Variants in FHIP2A observed in about 807,000 individuals in gnomAD.
The protein encoded by FHIP2A is FHF complex subunit HOOK interacting protein 2A, also known as family with sequence similarity 160 member B1.
FHIP2A carries 46 observed loss-of-function variants against 93.5 expected under a neutral mutation model. That is an observed-to-expected ratio of 0.49 (90% CI 0.39 to 0.63). The LOEUF is 0.63. Among genes scored for constraint, FHIP2A ranks in the 20% least tolerant of loss-of-function variants. FHIP2A has a pLI of 0.00. For synonymous variants in FHIP2A, 332 were observed against 326.5 expected (o/e 1.02, Z -0.18); for missense variants, 769 against 909.7 (o/e 0.85, Z 1.99).
chr10:114,825,034 T>C (rs1051625795), intron 1 of FHIP2A, among the ~76,000 whole-genome samples: 6 of 152,202 alleles, frequency 3.9e-5, no homozygotes, highest in African/African-American at 9.7e-5. Context: ...TATTTACTTA[T>C]TTTTCGAGAC....
Position 114,855,177 on chromosome 10 carries a change from A to G in FHIP2A, c.1804-20A>G. On this transcript the variant is annotated intron_variant, in intron 13 of 16. Transcript: ENST00000369248. ...ATTTGTTTTTGTTCTTTAATGATTC[A>G]CATGCTTTTTTCCCCCTAGTTCCGA... The G allele has an allele frequency of 1.3e-6, 2 of 1,595,068 alleles. No individual in the cohort carries two copies. Among genetic ancestry groups the G allele is most frequent in the East Asian group, 2.2e-5 (1 of 44,732 alleles).
Position 114,899,542 on chromosome 10 carries a change from C to G in FHIP2A, c.*28C>G, listed in dbSNP as rs145159760. ...GGGATTCCAGAGTCTCTTATGTCCT[C>G]AAAGCTTCAAGCTCAGCCAAAAGAA... is the stretch of plus-strand genomic sequence containing the variant. On this transcript the variant is annotated 3_prime_UTR_variant, in exon 17 of 17. Transcript: ENST00000369250. 3,992 of 717,732 alleles carry G rather than the reference C, an allele frequency of 5.6e-3. 148 individuals are homozygous for G. In the Admixed American group the frequency reaches 0.063, roughly 11 times the overall value. 44.5% of individuals were successfully genotyped at this position (717,732 alleles called of 1,614,324 possible).
chr10:114,847,535 C>T (rs1166077042), intron 12 of FHIP2A, among the ~76,000 whole-genome samples: 2 of 152,098 alleles, frequency 1.3e-5, no homozygotes, highest in Admixed American at 1.3e-4. Flanking sequence ...GTGATCGGCC[C>T]GCCTCGGCCT....
intron 16 of FHIP2A, among the ~76,000 whole-genome samples, chr10:114,878,782 A>AT: frequency 9.1e-6 from 1 of 110,418 alleles, no homozygotes; most frequent in Non-Finnish European, 1.9e-5. Context: ...CCTCAAAAAA[A>AT]AAAAAAAAAA....
At chr10:114,832,612 T>C (rs1406960447) in intron 2 of FHIP2A, among the ~76,000 whole-genome samples, 1 of 152,192 alleles carries the variant, frequency 6.6e-6, no homozygotes, top group African/African-American at 2.4e-5. Context: ...TGATGTGACA[T>C]GTATTTTTCC....
rs1410785442 is a variant in FHIP2A at position 114,832,944 on chromosome 10, C to T, written c.125-289C>T. Among the ~76,000 whole-genome samples the T allele has an allele frequency of 4.6e-5, 7 of 152,170 alleles. No individual in the cohort carries two copies. The Middle Eastern group carries it at 0.014, about 296-fold the overall frequency. On this transcript the variant is annotated intron_variant, in intron 2 of 16. Coordinates refer to ENST00000369248, the MANE Select transcript of FHIP2A (RefSeq NM_020940.4). ...GAACAGGCTGGTCTTGGATTCCTGACCTCAGGTGATCCACCTGCCTCGGCC... is the reference window on the plus strand; with the variant it reads ...GAACAGGCTGGTCTTGGATTCCTGATCTCAGGTGATCCACCTGCCTCGGCC...
Position 114,864,165 on chromosome 10 carries a change from G to A in FHIP2A, c.*2625G>A, listed in dbSNP as rs1360851359. 1 of 977,162 alleles carries A rather than the reference G, an allele frequency of 1.0e-6. No individual in the cohort carries two copies. Among genetic ancestry groups the A allele is most frequent in the African/African-American group, 1.8e-5 (1 of 56,976 alleles). The allele number at this position is 977,162 out of a possible 1,614,324, so 60.5% of individuals were successfully genotyped here. On this transcript the variant is annotated 3_prime_UTR_variant, in exon 17 of 17. Coordinates refer to ENST00000369248, the MANE Select transcript of FHIP2A (RefSeq NM_020940.4). ...AAATTCTTAGCTCGCTTACACTGTT[G>A]CTAGTGTAAACATTGTTACACTTAA...
Position 114,855,275 on chromosome 10 carries a change from G to A in FHIP2A, c.1882G>A (p.Ala628Thr). ...AGCATTGGAAAAGTGCAATTTAGAA[G>A]CTGCTTTCTTTGAAGGTCATTTTTT... ...PKALEKCNLE[A>T]AFFEGHFLKV... Residue 628 changes from alanine (A) to threonine (T), a missense_variant, in exon 14 of 17, where the codon GCT (alanine) becomes ACT (threonine). Transcript: ENST00000369248. The A allele has an allele frequency of 1.9e-6, 3 of 1,614,006 alleles. No individual in the cohort carries two copies. The highest frequency in any genetic ancestry group is 2.5e-6 in the Non-Finnish European group (3 of 1,179,922).
intron 16 of FHIP2A, among the ~76,000 whole-genome samples, chr10:114,883,821 C>A (rs2083928680): frequency 6.6e-6 from 1 of 152,162 alleles, no homozygotes; most frequent in Non-Finnish European, 1.5e-5. Context: ...CTCAGGTGAT[C>A]CACCCGCCTT....
intron 16 of FHIP2A, among the ~76,000 whole-genome samples, chr10:114,872,259 G>C (rs2083863492): frequency 6.6e-6 from 1 of 152,144 alleles, no homozygotes; most frequent in African/African-American, 2.4e-5. Context: ...ACAAGGCAGA[G>C]AGGCCTTGGG....
chr10:114,837,184 G>A (rs886956133), intron 5 of FHIP2A, among the ~76,000 whole-genome samples: 13 of 152,172 alleles, frequency 8.5e-5, no homozygotes, highest in Non-Finnish European at 1.8e-4. Context: ...TATTATAGGT[G>A]TGAGCCACCA....
chr10:114,839,229 C>T (rs576669067), intron 5 of FHIP2A, among the ~76,000 whole-genome samples: 43 of 152,160 alleles, frequency 2.8e-4, no homozygotes, highest in African/African-American at 9.4e-4. Context: ...CCAGTTCAAA[C>T]GATTCTCATG....
chr10:114,848,566 TG>T, intron 12 of FHIP2A, 80 bp from the exon 13 acceptor site: 1 of 762,336 alleles, frequency 1.3e-6, no homozygotes, highest in Non-Finnish European at 2.3e-6. Context: ...GTATTGATTA[TG>T]GTCTTTTTCA....
Position 114,851,714 on chromosome 10 carries a change from CA to C in FHIP2A, c.1803+2999del, listed in dbSNP as rs60649106. Among the ~76,000 whole-genome samples, 360 of 81,934 alleles carry C rather than the reference CA, an allele frequency of 4.4e-3. 1 individual carries two copies. Among genetic ancestry groups the C allele is most frequent in the South Asian group, 0.018 (30 of 1,674 alleles). The allele number at this position is 81,934 out of a possible 152,430, so 53.8% of individuals were successfully genotyped here. A position where few individuals can be genotyped will look rare whatever the true frequency, so the allele number is the denominator to read the frequency against. On this transcript the variant is annotated intron_variant, in intron 13 of 16. Coordinates refer to ENST00000369248, the MANE Select transcript of FHIP2A (RefSeq NM_020940.4). Reference sequence around the variant, plus strand: ...TTTAGGATTACTTTGTCCATTTCTGCAAAAAAAAAAAAAAAAAAAAAAGCAA... The same window carrying C: ...TTTAGGATTACTTTGTCCATTTCTGCAAAAAAAAAAAAAAAAAAAAAGCAA...
rs1288640233 is a variant in FHIP2A at position 114,861,264 on chromosome 10, A to G, written c.2122A>G (p.Ile708Val). ...AGACCTTATGCTTCGAATCCAGCGT[A>G]TTCAAGACTTTACTCCCAAGCTTCT... ...VGDLMLRIQR[I>V]QDFTPKLLLV... The change falls in exon 16 of 17, where the codon ATT becomes GTT. Residue 708 changes from isoleucine to valine, a missense_variant. Coordinates refer to ENST00000369248, the MANE Select transcript of FHIP2A (RefSeq NM_020940.4). The G allele has an allele frequency of 6.2e-7, 1 of 1,614,160 alleles. No individual in the cohort carries two copies. The highest frequency in any genetic ancestry group is 2.2e-5 in the East Asian group (1 of 44,884).
chr10:114,862,975 T>A lies in FHIP2A; in HGVS notation c.*1435T>A, dbSNP rs1359414543. On this transcript the variant is annotated 3_prime_UTR_variant, in exon 17 of 17. Transcript: ENST00000369248. The stretch of plus-strand genomic sequence containing the variant: ...GCTTGTTTTACACCTATCTGCTCAT[T>A]TTGTTGTGTTAGCTTTTCTGGTTTA... 1 of 985,320 alleles carries A rather than the reference T, an allele frequency of 1.0e-6. No homozygotes were observed. Among genetic ancestry groups the A allele is most frequent in the Non-Finnish European group, 1.2e-6 (1 of 829,936 alleles). The allele number at this position is 985,320 out of a possible 1,614,324, so 61.0% of individuals were successfully genotyped here.
intron 16 of FHIP2A, among the ~76,000 whole-genome samples, chr10:114,876,413 T>C (rs2083889551): frequency 6.6e-6 from 1 of 152,154 alleles, no homozygotes; most frequent in African/African-American, 2.4e-5. Flanking sequence ...TCAGCTCTGG[T>C]GCTTTAGGCA....
At chr10:114,883,137 G>C (rs1422495777) in intron 16 of FHIP2A, among the ~76,000 whole-genome samples, 1 of 152,168 alleles carries the variant, frequency 6.6e-6, no homozygotes, top group African/African-American at 2.4e-5. Context: ...GGCCTTAGAG[G>C]TTAAAGATTT....
chr10:114,891,537 A>ATGTGTGTGTG (rs34032569), intron 16 of FHIP2A, among the ~76,000 whole-genome samples: 70 of 137,204 alleles, frequency 5.1e-4, no homozygotes, highest in African/African-American at 1.8e-3. Context: ...ATATATATAT[A>ATGTGTGTGTG]TGTGTGTGTG....
Sources: gnomAD v4.1 joint callset for allele counts (sites outside exome capture counted in the v4.1 genomes callset) on GRCh38, gnomAD v4.1.1 for gene constraint, MANE v1.5 for transcripts, NCBI Gene and HGNC (gene_info 2026-07-23, HGNC 2026-07-21) for gene names.